Variants in DST observed in about 807,000 individuals in gnomAD.
DST encodes the protein bullous pemphigoid antigen.
In DST, 253 loss-of-function variants were observed where a neutral mutation model predicts 875.2. The ratio of observed to expected loss-of-function variants is 0.29; its 90% CI spans 0.26 to 0.32. DST has a LOEUF of 0.32. Among genes scored for constraint, DST ranks in the 10% least tolerant of loss-of-function variants. The pLI is 1.00. For missense variants in DST, 8,287 were observed against 9,111.6 expected (o/e 0.91, Z 3.68); for synonymous variants, 3,124 against 3,197.1 (o/e 0.98, Z 0.77).
At chr6:56,503,606 C>CACACACACAG (rs1165082297) in intron 78 of DST, among the ~76,000 whole-genome samples, 3 of 151,176 alleles carry the variant, frequency 2.0e-5, no homozygotes, top group Non-Finnish European at 4.4e-5. Context: ...CACACACACA[C>CACACACACAG]ACACACACAC....
At chr6:56,599,571 A>G (rs908982627) in intron 45 of DST, among the ~76,000 whole-genome samples, 1 of 152,132 alleles carries the variant, frequency 6.6e-6, no homozygotes, top group African/African-American at 2.4e-5. Flanking sequence ...ACCAGGAGCT[A>G]TCTACTTACA....
intron 10 of DST, among the ~76,000 whole-genome samples, chr6:56,651,958 A>T (rs1053796168): frequency 1.3e-5 from 2 of 152,260 alleles, no homozygotes; most frequent in Non-Finnish European, 2.9e-5. Context: ...TTCTGCTGTA[A>T]TAAAGAATGA....
In DST at chr6:56,597,999, G is replaced by A. The variant is rs1305479546; in HGVS notation, c.11936C>T (p.Ala3979Val). ...TTTGCTCTCTTCCAGCTGCTTCACT[G>A]CTGCTACCTGGGAAGGGAAAGTTCA... Reference protein sequence around the residue: ...AIKEETEKVAAVKQLEESKTK... With the variant: ...AIKEETEKVAVVKQLEESKTK... Residue 3979 changes from alanine to valine, a missense_variant, in exon 47 of 104, where the codon GCA (alanine) becomes GTA (valine). Around this residue, in one of 10 missense-constraint regions of DST, gnomAD observed 1,513 missense variants for 1,677.8 expected, o/e 0.90. Coordinates refer to ENST00000680361, the MANE Select transcript of DST (RefSeq NM_001374736.1). 6.3e-7 allele frequency: 1 copy of A among 1,586,686 alleles called. No homozygotes were observed. Among genetic ancestry groups the A allele is most frequent in the African/African-American group, 1.3e-5 (1 of 74,186 alleles).
At chr6:56,745,820 AC>A (rs754127272) in intron 4 of DST, among the ~76,000 whole-genome samples, 5 of 152,220 alleles carry the variant, frequency 3.3e-5, no homozygotes, top group African/African-American at 9.6e-5. Context: ...CAAATGGCCA[AC>A]AAAAATATGG....
At chr6:56,618,076 T>C in intron 36 of DST, 1 of 1,614,202 alleles carries the variant, frequency 6.2e-7, no homozygotes, top group Non-Finnish European at 8.5e-7. Context: ...GGGCTTGGTC[T>C]CTTATCTTCT....
intron 4 of DST, among the ~76,000 whole-genome samples, chr6:56,746,397 T>C (rs954918719): frequency 1.3e-5 from 2 of 152,216 alleles, no homozygotes; most frequent in Non-Finnish European, 2.9e-5. Flanking sequence ...TATATATGAT[T>C]AGCATACTAA....
rs2152777191 is a variant in DST at position 56,640,147 on chromosome 6, A to G, written c.2486T>C (p.Met829Thr). ...VQDLLNWVDE[M>T]QVQLDRTEWG... ...GTAAAGTAAACATTTTTTTACCTGC[A>G]TCTCATCAACCCAATTCAAAAGATC... Residue 829 changes from methionine (M) to threonine (T), a missense_variant, in exon 18 of 104, where the codon ATG (methionine) becomes ACG (threonine). Transcript: ENST00000680361. The G allele has an allele frequency of 6.2e-7, 1 of 1,613,850 alleles. No individual in the cohort carries two copies. The highest frequency in any genetic ancestry group is 1.3e-5 in the African/African-American group (1 of 75,056).
intron 36 of DST, chr6:56,615,861 T>C: frequency 6.2e-7 from 1 of 1,614,136 alleles, no homozygotes; most frequent in Non-Finnish European, 8.5e-7. Context: ...ACCACTGACA[T>C]CATTTTGTTA....
intron 13 of DST, 40 bp from the exon 14 acceptor site, chr6:56,646,222 A>C (rs1289815214): frequency 1.7e-6 from 2 of 1,185,610 alleles, no homozygotes; most frequent in Non-Finnish European, 2.4e-6. Flanking sequence ...CCAAACTTAA[A>C]AGATCTGTTT....
chr6:56,602,707 C>A (rs2098457408), intron 43 of DST, among the ~76,000 whole-genome samples, 175 bp downstream of exon 43: 1 of 151,430 alleles, frequency 6.6e-6, no homozygotes. Flanking sequence ...AGAATGATAC[C>A]CTTAAAGTTG....
intron 61 of DST, among the ~76,000 whole-genome samples, chr6:56,544,336 A>G (rs1483810015): frequency 6.6e-6 from 1 of 152,238 alleles, no homozygotes; most frequent in Non-Finnish European, 1.5e-5. Flanking sequence ...AGATCCTTAC[A>G]GAACTTTTCA....
In DST at chr6:56,552,311, A is replaced by G. The variant is rs548017449; in HGVS notation, c.16481T>C (p.Leu5494Pro). Residue 5494 changes from leucine to proline, a missense_variant, in exon 61 of 104, where the codon CTT becomes CCT. Physicochemically the swap from Leu to Pro is moderately conservative, Grantham distance 98 (BLOSUM62 -3). This residue lies in a region of DST where 777 missense variants were observed against 764.8 expected (regional missense o/e 1.02). Transcript: ENST00000680361. ...EEQVEGTIKR[L>P]EEFYSKLKEF... Reference sequence around the variant, plus strand: ...TTTCAATTTGCTGTAAAATTCTTCAAGGCGCTTAATTGTCCCTTCAACCTG... The same window carrying G: ...TTTCAATTTGCTGTAAAATTCTTCAGGGCGCTTAATTGTCCCTTCAACCTG... The G allele has an allele frequency of 2.5e-6, 4 of 1,613,942 alleles. No homozygotes were observed. Among genetic ancestry groups the G allele is most frequent in the African/African-American group, 1.3e-5 (1 of 75,030 alleles).
chr6:56,634,839 T>C lies in DST; in HGVS notation c.3301A>G (p.Ile1101Val). The C allele has an allele frequency of 1.2e-6, 2 of 1,614,092 alleles. No individual in the cohort carries two copies. Among genetic ancestry groups the C allele is most frequent in the Non-Finnish European group, 1.7e-6 (2 of 1,179,990 alleles). The change falls in exon 25 of 104, where the codon ATT becomes GTT. Residue 1101 changes from isoleucine to valine, a missense_variant. Ile to Val is a conservative substitution (Grantham distance 29). This residue lies in a region of DST where 1,160 missense variants were observed against 1,424.3 expected (regional missense o/e 0.81). Coordinates refer to ENST00000680361, the MANE Select transcript of DST (RefSeq NM_001374736.1). ...TAGTCACAGATAGCTTTGATCGGAATAGAAGTTTTGAGTGGACAGTCAGAA... is the reference window on the plus strand; with the variant it reads ...TAGTCACAGATAGCTTTGATCGGAACAGAAGTTTTGAGTGGACAGTCAGAA... ...RNSDCPLKTS[I>V]PIKAICDYRQ...
At position 56,545,332 on chromosome 6, in the gene DST, CATA is replaced by C. The variant is rs565930510; in HGVS notation, c.16608+6849_16608+6851del. On this transcript the variant is annotated intron_variant, in intron 61 of 103. Coordinates refer to ENST00000680361, the MANE Select transcript of DST (RefSeq NM_001374736.1). The stretch of plus-strand genomic sequence containing the variant: ...TCACATTTTCACAATGAGAGAAATA[CATA>C]ATAAGGTACGTAAAGTTTTCCTGAA... Among the ~76,000 whole-genome samples the C allele has an allele frequency of 4.6e-3, 700 of 151,942 alleles. 3 individuals are homozygous for C. Among genetic ancestry groups the C allele is most frequent in the African/African-American group, 0.016 (667 of 41,394 alleles).
At position 56,529,684 on chromosome 6, in the gene DST, C is replaced by T; in HGVS notation, c.17359G>A (p.Asp5787Asn). 1.2e-6 allele frequency: 2 copies of T among 1,613,640 alleles called. No individual in the cohort carries two copies. Among genetic ancestry groups the T allele is most frequent in the Non-Finnish European group, 1.7e-6 (2 of 1,179,732 alleles). The change falls in exon 66 of 104, where the codon GAT becomes AAT. Residue 5787 changes from aspartate to asparagine, a missense_variant. By Grantham distance (23) the Asp-to-Asn change is conservative (BLOSUM62 1). Around this residue, in one of 10 missense-constraint regions of DST, gnomAD observed 777 missense variants for 764.8 expected, o/e 1.02. Transcript: ENST00000680361. The part of the protein sequence containing the change: ...QSLKVLSSRE[D>N]KDMVQSKLDF... ...AATTTACTCTGCACCATATCTTTAT[C>T]CTCCCTGGAGCTCAAAACCTTTAAG...
chr6:56,601,691 G>A lies in DST; in HGVS notation c.11308-15C>T. 6.9e-7 allele frequency: 1 copy of A among 1,453,878 alleles called. No homozygotes were observed. The highest frequency in any genetic ancestry group is 9.4e-7 in the Non-Finnish European group (1 of 1,065,812). The allele number at this position is 1,453,878 out of a possible 1,614,324, so 90.1% of individuals were successfully genotyped here. ...TTTAATACATTCTGTTAAAAAAGTA[G>A]TACAAGCTATCAGTAGAAAGTTAAG... On this transcript the variant is annotated splice_polypyrimidine_tract_variant and intron_variant, in intron 43 of 103. Coordinates refer to ENST00000680361, the MANE Select transcript of DST (RefSeq NM_001374736.1).
chr6:56,617,121 G>A (rs765074149), intron 36 of DST: 9 of 1,611,658 alleles, frequency 5.6e-6, no homozygotes, highest in Admixed American at 5.0e-5. Flanking sequence ...AGACCGAGTC[G>A]CAGCTGCTCA....
chr6:56,930,349 T>C (rs1809514168), intron 2 of DST, among the ~76,000 whole-genome samples: 1 of 152,216 alleles, frequency 6.6e-6, no homozygotes, highest in Admixed American at 6.5e-5. Context: ...AACCCAGGCA[T>C]TTTTCCTAAC....
chr6:56,927,546 T>A (rs1426265723), intron 2 of DST, among the ~76,000 whole-genome samples: 2 of 152,162 alleles, frequency 1.3e-5, no homozygotes, highest in Non-Finnish European at 2.9e-5. Context: ...ATTAAAAGAA[T>A]ACAATATGAT....
Sources: allele counts gnomAD v4.1 joint callset (sites outside exome capture counted in the v4.1 genomes callset), GRCh38; gene constraint gnomAD v4.1.1; regional missense constraint gnomAD v4.1.1; transcripts MANE v1.5; gene names NCBI Gene and HGNC (gene_info 2026-07-23, HGNC 2026-07-21).